Variants in STIM2 observed in about 807,000 individuals in gnomAD.
The protein encoded by STIM2 is stromal interaction molecule 2.
A neutral mutation model predicts 85.8 loss-of-function variants in STIM2; 31 were observed. The ratio of observed to expected loss-of-function variants is 0.36; its 90% confidence interval spans 0.27 to 0.49. The LOEUF (loss-of-function observed/expected upper bound fraction) is 0.49, where lower values mean the gene tolerates loss of function less well. Ranked by LOEUF, STIM2 falls within the 20% of genes least tolerant of loss-of-function variation. STIM2 has a pLI of 0.98. For missense variants in STIM2, 841 were observed against 927.6 expected, an observed-to-expected ratio of 0.91 and a Z score of 1.21; for synonymous variants, 356 against 331.1, an observed-to-expected ratio of 1.08 and a Z score of -0.82.
chr4:26,869,277 C>T (rs78965230), intron 1 of STIM2, among the ~76,000 whole-genome samples: 19 of 128,466 alleles, frequency 1.5e-4, no homozygotes, highest in Middle Eastern at 5.8e-3. Context: ...CTGGCCTGGA[C>T]GGCGGAGTGA....
chr4:27,011,928 GGTT>G (rs1728570631), intron 10 of STIM2, among the ~76,000 whole-genome samples: 1 of 152,044 alleles, frequency 6.6e-6, no homozygotes, highest in Admixed American at 6.6e-5. Flanking sequence ...ACAGATGATA[GGTT>G]GTTGTTTGCT....
At chr4:26,881,677 T>C (rs1004410159) in intron 1 of STIM2, 3 of 152,162 alleles carry the variant, frequency 2.0e-5, no homozygotes, top group Non-Finnish European at 4.4e-5. Flanking sequence ...GCAACCTGAG[T>C]GGACTAAGAC....
intron 3 of STIM2, among the ~76,000 whole-genome samples, chr4:26,970,267 C>CT (rs1261650618): frequency 7.0e-6 from 1 of 143,030 alleles, no homozygotes; most frequent in Admixed American, 7.1e-5. Flanking sequence ...TTTTATTATA[C>CT]TTTAAGTTCT....
chr4:27,013,678 T>C (rs928552648), intron 10 of STIM2, among the ~76,000 whole-genome samples: 2 of 152,038 alleles, frequency 1.3e-5, no homozygotes, highest in Non-Finnish European at 2.9e-5. Flanking sequence ...TCCTTTTCTG[T>C]GAAATGTAGC....
At chr4:26,869,014 G>A (rs1047256796) in intron 1 of STIM2, among the ~76,000 whole-genome samples, 1 of 152,212 alleles carries the variant, frequency 6.6e-6, no homozygotes, top group Admixed American at 6.5e-5. Context: ...TTTGTTTGGG[G>A]TCGTACGCTG....
chr4:26,962,833 T>TA (rs1313335031), intron 3 of STIM2, among the ~76,000 whole-genome samples: 4 of 152,134 alleles, frequency 2.6e-5, no homozygotes, highest in Non-Finnish European at 5.9e-5. Flanking sequence ...CTATAGTAGA[T>TA]AAAAAACTGA....
At chr4:27,019,803 C>T (rs1181206728) in intron 11 of STIM2, among the ~76,000 whole-genome samples, 2 of 151,560 alleles carry the variant, frequency 1.3e-5, no homozygotes, top group East Asian at 1.9e-4. Flanking sequence ...CCATGTCACT[C>T]TGGGGAAAAA....
intron 3 of STIM2, among the ~76,000 whole-genome samples, chr4:26,975,286 G>A (rs1328529043): frequency 1.3e-5 from 2 of 152,124 alleles, no homozygotes; most frequent in Non-Finnish European, 2.9e-5. Context: ...TCCATTGCTG[G>A]CGAGGAGCTG....
intron 3 of STIM2, among the ~76,000 whole-genome samples, chr4:26,969,358 T>A (rs1726844876): frequency 6.6e-6 from 1 of 152,190 alleles, no homozygotes; most frequent in Non-Finnish European, 1.5e-5. Context: ...GGCTTATGCA[T>A]TTGTTTGGTT....
At chr4:26,894,141 C>T (rs940081039) in intron 1 of STIM2, among the ~76,000 whole-genome samples, 4 of 152,232 alleles carry the variant, frequency 2.6e-5, no homozygotes, top group African/African-American at 7.2e-5. Flanking sequence ...CCCGCCTCGG[C>T]CTCCCAAAGT....
intron 3 of STIM2, among the ~76,000 whole-genome samples, chr4:26,970,705 G>C (rs112589355): frequency 6.6e-5 from 10 of 151,956 alleles, no homozygotes; most frequent in African/African-American, 2.4e-5. Context: ...CAATAAACAC[G>C]TGTGCATGTG....
intron 10 of STIM2, 32 bp from the exon 11 acceptor site, chr4:27,017,679 C>A: frequency 8.7e-6 from 14 of 1,610,498 alleles, no homozygotes; most frequent in Non-Finnish European, 1.2e-5. Flanking sequence ...CCCTGGACTT[C>A]ATGAGCATGT....
chr4:26,894,658 A>G (rs1251938751), intron 1 of STIM2, among the ~76,000 whole-genome samples: 4 of 150,134 alleles, frequency 2.7e-5, no homozygotes, highest in African/African-American at 9.8e-5. Context: ...TCACTGATCT[A>G]TTTTTCTGTT....
At chr4:26,950,249 T>C (rs918235148) in intron 2 of STIM2, among the ~76,000 whole-genome samples, 5 of 152,212 alleles carry the variant, frequency 3.3e-5, no homozygotes, top group African/African-American at 1.2e-4. Flanking sequence ...CAGCTTTCAG[T>C]TGACTCTGTT....
chr4:26,914,706 A>G (rs1724468172), intron 1 of STIM2, among the ~76,000 whole-genome samples: 1 of 152,254 alleles, frequency 6.6e-6, no homozygotes, highest in South Asian at 2.1e-4. Flanking sequence ...AAAAATTAAT[A>G]CAATGCATGT....
intron 3 of STIM2, among the ~76,000 whole-genome samples, chr4:26,972,695 A>C (rs1334711587): frequency 6.6e-6 from 1 of 152,084 alleles, no homozygotes. Context: ...ATTGGTCTAA[A>C]ATTCTCTTTT....
At chr4:27,001,739 A>C (rs1728164721) in intron 5 of STIM2, among the ~76,000 whole-genome samples, 1 of 152,168 alleles carries the variant, frequency 6.6e-6, no homozygotes, top group South Asian at 2.1e-4. Context: ...ACCTAACCTA[A>C]TTAGTTATAT....
At chr4:26,985,886 A>C (rs950149631) in intron 3 of STIM2, among the ~76,000 whole-genome samples, 3 of 152,362 alleles carry the variant, frequency 2.0e-5, no homozygotes, top group Middle Eastern at 6.8e-3. Context: ...TAGCAGTTTT[A>C]AAAAAGTAGT....
At chr4:26,983,940 A>G (rs1414501022) in intron 3 of STIM2, among the ~76,000 whole-genome samples, 1 of 152,252 alleles carries the variant, frequency 6.6e-6, no homozygotes, top group African/African-American at 2.4e-5. Flanking sequence ...GAAACTTTCA[A>G]ATTCTAAGAG....
Sources: allele counts gnomAD v4.1 joint callset (sites outside exome capture counted in the v4.1 genomes callset), GRCh38; gene constraint gnomAD v4.1.1; transcripts MANE v1.5; gene names NCBI Gene and HGNC (gene_info 2026-07-23, HGNC 2026-07-21).